ZNF512: variants seen among roughly 807,000 people sequenced by gnomAD.
The protein encoded by ZNF512 is zinc finger protein 512.
A neutral mutation model predicts 77.5 loss-of-function variants in ZNF512; 25 were observed. The ratio of observed to expected loss-of-function variants is 0.32; its 90% CI spans 0.23 to 0.45. The LOEUF (loss-of-function observed/expected upper bound fraction) is 0.45, where lower values mean the gene tolerates loss of function less well. Ranked by LOEUF, ZNF512 falls within the 20% of genes least tolerant of loss-of-function variation. The pLI is 1.00. For missense variants in ZNF512, 483 were observed against 692.6 expected (o/e 0.70, Z 3.40); for synonymous variants, 246 against 239.9 (o/e 1.03, Z -0.24).
At position 27,610,565 on chromosome 2, in the gene ZNF512, T is replaced by C. The variant is rs180824693; in HGVS notation, c.1131+2526T>C. Among the ~76,000 whole-genome samples the C allele has an allele frequency of 4.2e-3, 145 of 34,368 alleles. 13 individuals are homozygous for C. The highest frequency in any genetic ancestry group is 0.04 in the South Asian group (36 of 898). The allele number at this position is 34,368 out of a possible 152,430, so 22.5% of individuals were successfully genotyped here. On this transcript the variant is annotated intron_variant, in intron 10 of 13. Transcript: ENST00000355467. ...GTGTGTATATATATATATATATATA[T>C]ATATTTTTTTTTTTTTTTTTTTTTT...
At position 27,617,499 on chromosome 2, in the gene ZNF512, A is replaced by G. The variant is rs141264717; in HGVS notation, c.1323A>G (p.Lys441=). 4.0e-6 allele frequency: 6 copies of G among 1,483,602 alleles called. No individual in the cohort carries two copies. The African/African-American group carries it at 4.1e-5, about 10-fold the overall frequency. The allele number at this position is 1,483,602 out of a possible 1,614,324, so 91.9% of individuals were successfully genotyped here. A position where few individuals can be genotyped will look rare whatever the true frequency, so the allele number is the denominator to read the frequency against. Residue 441 remains lysine, a synonymous_variant, in exon 13 of 14, where the codon AAA becomes AAG. Transcript: ENST00000355467. The stretch of plus-strand genomic sequence containing the variant: ...GAAACTTTGTGGCTGGAAAATACAA[A>G]TGTCTTCTATGTCAGAAAGAATTTG... ...TLGNFVAGKY[K]CLLCQKEFVS... is the part of the protein sequence containing the mutation.
intron 4 of ZNF512, 112 bp from the exon 5 acceptor site, chr2:27,599,858 C>A: frequency 1.7e-6 from 2 of 1,204,670 alleles, no homozygotes; most frequent in Non-Finnish European, 2.4e-6. Context: ...CTGACTTAGG[C>A]AGTCAGTCGG....
intron 2 of ZNF512, among the ~76,000 whole-genome samples, chr2:27,586,015 C>T (rs1052448467): frequency 6.6e-6 from 1 of 152,084 alleles, no homozygotes; most frequent in African/African-American, 2.4e-5. Flanking sequence ...TCCCTAACCA[C>T]CTTGATTTAA....
In ZNF512 at chr2:27,615,243, TATC is replaced by T; in HGVS notation, c.1211_1213del (p.His404del). ...TAAATGGAAGACAGATATCAAGAAA[TATC>T]ATCGTATTCAGTGTCCTAACCAGGT... is the stretch of plus-strand genomic sequence containing the variant. On this transcript the variant is annotated inframe_deletion, in exon 11 of 14. Transcript: ENST00000355467. The T allele has an allele frequency of 6.2e-7, 1 of 1,604,884 alleles. No individual in the cohort carries two copies. The highest frequency in any genetic ancestry group is 8.5e-7 in the Non-Finnish European group (1 of 1,175,664).
intron 10 of ZNF512, among the ~76,000 whole-genome samples, chr2:27,610,921 A>C (rs934874233): frequency 1.3e-5 from 2 of 151,970 alleles, no homozygotes; most frequent in African/African-American, 4.8e-5. Flanking sequence ...TTCTTTCTTA[A>C]ATATAAAAAT....
In ZNF512 at chr2:27,617,581, T is replaced by C; in HGVS notation, c.1395+10T>C. On this transcript the variant is annotated intron_variant, in intron 13 of 13. Coordinates refer to ENST00000355467, the MANE Select transcript of ZNF512 (RefSeq NM_032434.4). ...CTCCGTCCATGCTGAGGTGAGGTTT[T>C]TGTAATCCTGTGGGCCTGATATGTA... 1 of 1,028,246 alleles carries C rather than the reference T, an allele frequency of 9.7e-7. No individual in the cohort carries two copies. Among genetic ancestry groups the C allele is most frequent in the Non-Finnish European group, 1.6e-6 (1 of 644,460 alleles). 63.7% of individuals were successfully genotyped at this position (1,028,246 alleles called of 1,614,324 possible). A position where few individuals can be genotyped will look rare whatever the true frequency, so the allele number is the denominator to read the frequency against.
intron 10 of ZNF512, among the ~76,000 whole-genome samples, chr2:27,609,525 C>T (rs557110470): frequency 2.0e-5 from 3 of 151,530 alleles, no homozygotes; most frequent in African/African-American, 7.3e-5. Context: ...GTCAGGAGTT[C>T]GAGACCAGCC....
intron 2 of ZNF512, among the ~76,000 whole-genome samples, chr2:27,594,908 C>T (rs1313027956): frequency 6.6e-6 from 1 of 152,212 alleles, no homozygotes; most frequent in East Asian, 1.9e-4. Flanking sequence ...GCGAGCAGAT[C>T]ACTCGAGGTC....
At chr2:27,596,082 C>T (rs375023516) in intron 2 of ZNF512, among the ~76,000 whole-genome samples, 117 of 152,244 alleles carry the variant, frequency 7.7e-4, no homozygotes, top group African/African-American at 2.7e-3. Flanking sequence ...AGGTTCAGGC[C>T]AAAACTTCTG....
intron 2 of ZNF512, among the ~76,000 whole-genome samples, chr2:27,585,720 TC>T (rs1671293223): frequency 6.6e-6 from 1 of 152,154 alleles, no homozygotes; most frequent in Non-Finnish European, 1.5e-5. Context: ...TTTTGGTAGA[TC>T]AGAAAGGAGT....
At position 27,617,555 on chromosome 2, in the gene ZNF512, A is replaced by G. The variant is rs768125613; in HGVS notation, c.1379A>G (p.Asn460Ser). The change falls in exon 13 of 14, where the codon AAC becomes AGC. Residue 460 changes from asparagine to serine, a missense_variant. This residue lies in a region of ZNF512 where 324 missense variants were observed against 525.0 expected (regional missense o/e 0.62). Transcript: ENST00000355467. ...VSESGVKYHI[N>S]SVHAEDWFVV... is the part of the protein sequence containing the mutation. ...GAGAGTGGTGTCAAGTATCACATCA[A>G]CTCCGTCCATGCTGAGGTGAGGTTT... 3.9e-6 allele frequency: 5 copies of G among 1,290,278 alleles called. No individual in the cohort carries two copies. The highest frequency in any genetic ancestry group is 3.4e-6 in the Non-Finnish European group (3 of 884,358). The allele number at this position is 1,290,278 out of a possible 1,614,324, so 79.9% of individuals were successfully genotyped here. A position where few individuals can be genotyped will look rare whatever the true frequency, so the allele number is the denominator to read the frequency against.
intron 5 of ZNF512, 102 bp downstream of exon 5, chr2:27,600,155 G>T: frequency 7.5e-7 from 1 of 1,335,256 alleles, no homozygotes. Flanking sequence ...TTTCTTTAAG[G>T]AGGCAGTTAC....
At position 27,602,408 on chromosome 2, in the gene ZNF512, CTG is replaced by C. The variant is rs894934807; in HGVS notation, c.670-51_670-50del. ...GATTCTCCTCTGATATTTTTTTTCC[CTG>C]TGTCTTATCTTTTCCATGAATCATC... On this transcript the variant is annotated intron_variant, in intron 7 of 13. Transcript: ENST00000355467. 3 of 1,537,248 alleles carry C rather than the reference CTG, an allele frequency of 2.0e-6. No individual in the cohort carries two copies. The African/African-American group carries it at 4.2e-5, about 21-fold the overall frequency.
chr2:27,614,635 GC>G (rs552372679), intron 10 of ZNF512, among the ~76,000 whole-genome samples: 138 of 148,500 alleles, frequency 9.3e-4, no homozygotes, highest in African/African-American at 3.3e-3. Flanking sequence ...CCGAGATCGT[GC>G]CACTGCACTC....
chr2:27,600,142 G>A, intron 5 of ZNF512, 89 bp downstream of exon 5: 2 of 1,427,550 alleles, frequency 1.4e-6, no homozygotes, highest in Non-Finnish European at 1.9e-6. Context: ...AGGTACTAAA[G>A]CATTTCTTTA....
intron 2 of ZNF512, among the ~76,000 whole-genome samples, chr2:27,597,253 C>T (rs1044445149): frequency 6.6e-6 from 1 of 152,164 alleles, no homozygotes; most frequent in Non-Finnish European, 1.5e-5. Context: ...TTTACTCTTT[C>T]TCCCATGGGC....
chr2:27,601,093 G>T (rs1321995049), intron 6 of ZNF512, among the ~76,000 whole-genome samples: 4 of 152,218 alleles, frequency 2.6e-5, no homozygotes, highest in Admixed American at 2.6e-4. Context: ...TCCATGAGAG[G>T]ATAAGAAAGA....
chr2:27,615,194 T>TA lies in ZNF512; in HGVS notation c.1159dup (p.Thr387AsnfsTer9). On this transcript the variant is annotated frameshift_variant, in exon 11 of 14. Transcript: ENST00000355467. LOFTEE classifies it high-confidence loss of function. Reference sequence around the variant, plus strand: ...TAAAATATACTCGTCCAGGGCTCCCTACCTTCAGCCAGGAAGTACTACATA... The same window carrying TA: ...TAAAATATACTCGTCCAGGGCTCCCTAACCTTCAGCCAGGAAGTACTACATA... The TA allele has an allele frequency of 6.2e-7, 1 of 1,606,454 alleles. No homozygotes were observed. The highest frequency in any genetic ancestry group is 1.7e-4 in the Middle Eastern group (1 of 6,056).
chr2:27,603,260 A>C lies in ZNF512; in HGVS notation c.889A>C (p.Arg297=). The part of the protein sequence containing the change: ...LKCHHCGKPY[R]SKAGLAYHLR... ...ATGTCACCACTGTGGAAAACCATAT[A>C]GGTCGAAGGCTGGACTTGCATATCA... Residue 297 remains arginine, a synonymous_variant, in exon 9 of 14, where the codon AGG becomes CGG. Transcript: ENST00000355467. 1 of 1,614,078 alleles carries C rather than the reference A, an allele frequency of 6.2e-7. No individual in the cohort carries two copies. Among genetic ancestry groups the C allele is most frequent in the South Asian group, 1.1e-5 (1 of 91,086 alleles).
Sources: gnomAD v4.1 joint callset for allele counts (sites outside exome capture counted in the v4.1 genomes callset) on GRCh38, gnomAD v4.1.1 for gene constraint, gnomAD v4.1.1 regional missense constraint, MANE v1.5 for transcripts, NCBI Gene and HGNC (gene_info 2026-07-23, HGNC 2026-07-21) for gene names.